OSBPL10: variants seen among roughly 807,000 people sequenced by gnomAD.
OSBPL10 encodes oxysterol binding protein like 10.
In OSBPL10, 49 loss-of-function variants were observed where a neutral mutation model predicts 81.7. The observed-to-expected ratio is 0.60, with a 90% confidence interval of 0.48 to 0.76. The LOEUF is 0.76. OSBPL10 is among the 30% of genes least tolerant of loss of function. The pLI, the probability that OSBPL10 is intolerant of heterozygous loss-of-function variation, is 0.00. For missense variants in OSBPL10, 923 were observed against 987.8 expected (o/e 0.93, Z 0.88); for synonymous variants, 419 against 383.6 (o/e 1.09, Z -1.08).
At chr3:31,829,896 C>A (rs887712124) in intron 4 of OSBPL10, 144 bp downstream of exon 4, 5 of 767,666 alleles carry the variant, frequency 6.5e-6, no homozygotes, top group African/African-American at 3.6e-5. Flanking sequence ...CAGGAAGGAC[C>A]GTCACAGCCG....
At position 31,968,885 on chromosome 3, in the gene OSBPL10, A is replaced by G. The variant is rs559586345; in HGVS notation, c.281+12014T>C. On this transcript the variant is annotated intron_variant, in intron 1 of 11. Transcript: ENST00000396556. ...AGCCAAGCTAATAAAAATTACCACA[A>G]AGAAATTTGCTGGAGCAAAGAGAGG... Among the ~76,000 whole-genome samples the G allele has an allele frequency of 1.2e-4, 19 of 152,316 alleles. 1 individual carries two copies. The highest frequency in any genetic ancestry group is 7.8e-4 in the Admixed American group (12 of 15,302).
At position 31,799,379 on chromosome 3, in the gene OSBPL10, T is replaced by TTAA. The variant is rs371267088; in HGVS notation, c.729+30660_729+30661insTTA. Reference sequence around the variant, plus strand: ...CAACATAGCAAGACCCCTATCTCTTTAAAAAAAAAAAAAAAAAAAAAAAAA... The same window carrying TTAA: ...CAACATAGCAAGACCCCTATCTCTTTTAAAAAAAAAAAAAAAAAAAAAAAAAAA... On this transcript the variant is annotated intron_variant, in intron 4 of 11. Coordinates refer to ENST00000396556, the MANE Select transcript of OSBPL10 (RefSeq NM_017784.5). Among the ~76,000 whole-genome samples, 12 of 56,244 alleles carry TTAA rather than the reference T, an allele frequency of 2.1e-4. No individual in the cohort carries two copies. The Admixed American group carries it at 3.0e-3, about 14-fold the overall frequency. The allele number at this position is 56,244 out of a possible 152,430, so 36.9% of individuals were successfully genotyped here. A position where few individuals can be genotyped will look rare whatever the true frequency, so the allele number is the denominator to read the frequency against.
At chr3:31,707,800 A>C (rs911744348) in intron 6 of OSBPL10, among the ~76,000 whole-genome samples, 3 of 152,202 alleles carry the variant, frequency 2.0e-5, no homozygotes, top group Admixed American at 2.0e-4. Flanking sequence ...AGAACAGGCA[A>C]TAACATGCAC....
chr3:31,979,814 G>A (rs1040008788), intron 1 of OSBPL10, among the ~76,000 whole-genome samples: 3 of 151,870 alleles, frequency 2.0e-5, no homozygotes, highest in Non-Finnish European at 4.4e-5. Flanking sequence ...AGTGCCTCCT[G>A]AGCCCCTTTC....
intron 1 of OSBPL10, among the ~76,000 whole-genome samples, chr3:31,891,281 G>T (rs1257488242): frequency 6.6e-6 from 1 of 152,120 alleles, no homozygotes; most frequent in East Asian, 1.9e-4. Context: ...CAGCTTCCTG[G>T]GCCCCTCCCC....
chr3:31,833,099 G>A (rs1037676615), intron 3 of OSBPL10, among the ~76,000 whole-genome samples: 2 of 152,298 alleles, frequency 1.3e-5, no homozygotes, highest in Admixed American at 6.5e-5. Context: ...CTTTTCACTT[G>A]GAGAGTAGAG....
intron 4 of OSBPL10, among the ~76,000 whole-genome samples, chr3:31,803,883 G>GTT (rs1699458294): frequency 6.6e-6 from 1 of 152,186 alleles, no homozygotes; most frequent in East Asian, 1.9e-4. Context: ...GGTGGTACAT[G>GTT]TTTTTATGTC....
chr3:31,988,991 GT>G, intron 2 of OSBPL10: 1 of 1,532,514 alleles, frequency 6.5e-7, no homozygotes. Flanking sequence ...GTGATAATTT[GT>G]TTCTCGGAAA....
At chr3:31,771,115 C>CT (rs1333507127) in intron 4 of OSBPL10, among the ~76,000 whole-genome samples, 1 of 152,134 alleles carries the variant, frequency 6.6e-6, no homozygotes, top group Non-Finnish European at 1.5e-5. Flanking sequence ...AGAAATGCTG[C>CT]TAATACACAG....
At chr3:31,809,325 GA>G (rs1439218056) in intron 4 of OSBPL10, among the ~76,000 whole-genome samples, 1 of 152,076 alleles carries the variant, frequency 6.6e-6, no homozygotes, top group East Asian at 1.9e-4. Context: ...ACATGTAATG[GA>G]AAAAGTCTCA....
chr3:32,062,655 G>A (rs1477944234), intron 1 of OSBPL10, among the ~76,000 whole-genome samples: 1 of 94,526 alleles, frequency 1.1e-5, no homozygotes, highest in African/African-American at 2.7e-5. Context: ...GGGAGCATGG[G>A]CTTCTTGAAT....
intron 4 of OSBPL10, among the ~76,000 whole-genome samples, chr3:31,813,203 C>G (rs1263960902): frequency 1.3e-5 from 2 of 152,186 alleles, no homozygotes; most frequent in African/African-American, 4.8e-5. Context: ...CTTACAGTGT[C>G]TTTTCCATGG....
intron 4 of OSBPL10, among the ~76,000 whole-genome samples, chr3:31,780,134 T>A (rs56368919): frequency 2.6e-5 from 4 of 151,800 alleles, no homozygotes; most frequent in Admixed American, 2.6e-4. Flanking sequence ...CTACTAAAAA[T>A]ACAAAAAGAT....
chr3:32,072,961 T>C (rs1699842619), intron 1 of OSBPL10, among the ~76,000 whole-genome samples: 2 of 152,234 alleles, frequency 1.3e-5, no homozygotes, highest in South Asian at 4.1e-4. Flanking sequence ...TCTCAGGCTC[T>C]TGGTATTCAG....
At chr3:32,015,771 C>T (rs1183634091) in intron 2 of OSBPL10, among the ~76,000 whole-genome samples, 1 of 152,146 alleles carries the variant, frequency 6.6e-6, no homozygotes, top group Non-Finnish European at 1.5e-5. Flanking sequence ...ACAACCCCAT[C>T]AACAAGTGGG....
intron 1 of OSBPL10, among the ~76,000 whole-genome samples, chr3:31,907,201 A>C (rs1696431631): frequency 6.6e-6 from 1 of 152,204 alleles, no homozygotes; most frequent in Admixed American, 6.5e-5. Flanking sequence ...TATCAGACCA[A>C]AAAAGAACTC....
intron 3 of OSBPL10, among the ~76,000 whole-genome samples, chr3:31,867,613 T>C (rs1701211820): frequency 6.6e-6 from 1 of 152,072 alleles, no homozygotes; most frequent in Admixed American, 6.5e-5. Context: ...CATAGTGGTG[T>C]GCACCTGTAA....
chr3:31,907,682 A>C (rs1011783092), intron 1 of OSBPL10, among the ~76,000 whole-genome samples: 1 of 148,832 alleles, frequency 6.7e-6, no homozygotes, highest in South Asian at 2.1e-4. Flanking sequence ...TCTCATAACT[A>C]GTTCATATAA....
chr3:31,662,251 G>A lies in OSBPL10; in HGVS notation c.2251-135C>T. 6 of 1,484,306 alleles carry A rather than the reference G, an allele frequency of 4.0e-6. No homozygotes were observed. In the Admixed American group the frequency reaches 1.4e-4, roughly 34 times the overall value. 91.9% of individuals were successfully genotyped at this position (1,484,306 alleles called of 1,614,324 possible). ...CACGCAGGCCAGGCTGCTGGCCTCA[G>A]TACCCCTCCTCAGCCCAGCTGCTCT... On this transcript the variant is annotated intron_variant, in intron 11 of 11. Transcript: ENST00000396556.
Sources: allele counts gnomAD v4.1 joint callset (sites outside exome capture counted in the v4.1 genomes callset), GRCh38; gene constraint gnomAD v4.1.1; transcripts MANE v1.5; gene names NCBI Gene and HGNC (gene_info 2026-07-23, HGNC 2026-07-21).